EMC8: variants seen among roughly 807,000 people sequenced by gnomAD.
EMC8 encodes ER membrane protein complex subunit 8, also known as COX4 neighbor.
Under a neutral mutation model 24.3 loss-of-function variants are expected in EMC8, and 11 were observed. The ratio of observed to expected loss-of-function variants is 0.45; its 90% confidence interval spans 0.28 to 0.75. The LOEUF is 0.75. Ranked by LOEUF, EMC8 falls within the 30% of genes least tolerant of loss-of-function variation. EMC8 has a pLI of 0.12. For synonymous variants in EMC8, 145 were observed against 117.7 expected, an observed-to-expected ratio of 1.23 and a Z score of -1.50; for missense variants, 277 against 282.7, an observed-to-expected ratio of 0.98 and a Z score of 0.14.
chr16:85,780,239 C>A (rs868707675), intron 4 of EMC8, 140 bp downstream of exon 4: 2 of 672,110 alleles, frequency 3.0e-6, no homozygotes, highest in South Asian at 1.7e-5. Flanking sequence ...AACACTGGGG[C>A]CTACAGGAGC....
chr16:85,795,582 G>T (rs763388721), intron 1 of EMC8, among the ~76,000 whole-genome samples: 1 of 152,188 alleles, frequency 6.6e-6, no homozygotes, highest in Admixed American at 6.5e-5. Context: ...AGACCTCGGG[G>T]GAAGGAATGC....
intron 2 of EMC8, chr16:85,781,852 G>A (rs181659146): frequency 7.2e-5 from 11 of 152,776 alleles, no homozygotes; most frequent in Admixed American, 6.5e-4. Context: ...ACCTTGCCCT[G>A]GGAAAACCAC....
intron 2 of EMC8, among the ~76,000 whole-genome samples, chr16:85,787,374 C>T (rs1848835225): frequency 6.6e-6 from 1 of 152,226 alleles, no homozygotes; most frequent in Non-Finnish European, 1.5e-5. Context: ...TGCCACCAAG[C>T]CCCCTGCAGG....
intron 2 of EMC8, among the ~76,000 whole-genome samples, chr16:85,783,717 C>T (rs567628102): frequency 5.1e-4 from 77 of 152,116 alleles, no homozygotes; most frequent in Non-Finnish European, 1.0e-3. Flanking sequence ...CTCACATGCC[C>T]GTCTTGTTTC....
At chr16:85,792,848 G>A (rs1905077254) in intron 1 of EMC8, 1 of 152,208 alleles carries the variant, frequency 6.6e-6, no homozygotes, top group Non-Finnish European at 1.5e-5. Context: ...CCATTTCCAT[G>A]TCCCTGCTTC....
At chr16:85,783,369 T>C (rs913360896) in intron 2 of EMC8, among the ~76,000 whole-genome samples, 2 of 152,106 alleles carry the variant, frequency 1.3e-5, no homozygotes, top group Admixed American at 1.3e-4. Context: ...ACAGGTGTGA[T>C]CATGGCCACA....
intron 1 of EMC8, 142 bp from the exon 2 acceptor site, chr16:85,789,192 G>C (rs538329513): frequency 9.2e-6 from 6 of 651,822 alleles, no homozygotes; most frequent in East Asian, 5.4e-5. Context: ...CAGAAGAAAG[G>C]GTAGGACTCA....
intron 1 of EMC8, among the ~76,000 whole-genome samples, chr16:85,795,809 G>T (rs933520445): frequency 6.6e-6 from 1 of 152,150 alleles, no homozygotes; most frequent in Non-Finnish European, 1.5e-5. Flanking sequence ...AAGCTGGTGG[G>T]TCAGAGGTTC....
chr16:85,796,924 G>A (rs1905261387), intron 1 of EMC8, among the ~76,000 whole-genome samples: 1 of 152,218 alleles, frequency 6.6e-6, no homozygotes, highest in East Asian at 1.9e-4. Context: ...GCACCTTCAA[G>A]TGCTAAGCAG....
At position 85,799,393 on chromosome 16, in the gene EMC8, C is replaced by A. The variant is rs896941471; in HGVS notation, c.-98G>T. ...GCCTCAGCCGAGAAGCGGGACGAGG[C>A]GGCGGCGATTGATGGCGCGGCCGCG... On this transcript the variant is annotated 5_prime_UTR_variant, in exon 1 of 5. Coordinates refer to ENST00000253457, the MANE Select transcript of EMC8 (RefSeq NM_006067.5). The surrounding 1 kb of genome is among the most constrained non-coding windows in gnomAD (Gnocchi z 4.2). 8.3e-6 allele frequency: 6 copies of A among 721,664 alleles called. No homozygotes were observed. The South Asian group carries it at 1.4e-4, about 17-fold the overall frequency. 44.7% of individuals were successfully genotyped at this position (721,664 alleles called of 1,614,324 possible).
chr16:85,792,310 A>G (rs1362599915), intron 1 of EMC8: 2 of 152,218 alleles, frequency 1.3e-5, no homozygotes, highest in African/African-American at 4.8e-5. Flanking sequence ...CTGGAACTTT[A>G]AGTAGAACCT....
At position 85,779,627 on chromosome 16, in the gene EMC8, G is replaced by C. The variant is rs1904394417; in HGVS notation, c.*81C>G. The C allele has an allele frequency of 6.3e-6, 9 of 1,434,042 alleles. No individual in the cohort carries two copies. Among genetic ancestry groups the C allele is most frequent in the Non-Finnish European group, 8.8e-6 (9 of 1,024,788 alleles). 88.8% of individuals were successfully genotyped at this position (1,434,042 alleles called of 1,614,324 possible). ...GGTCAGCTTTCCACACAGGCTACAAGATATTTTATTTACATTTAAAAATAG... is the reference window on the plus strand; with the variant it reads ...GGTCAGCTTTCCACACAGGCTACAACATATTTTATTTACATTTAAAAATAG... On this transcript the variant is annotated 3_prime_UTR_variant, in exon 5 of 5. Transcript: ENST00000253457.
intron 1 of EMC8, among the ~76,000 whole-genome samples, chr16:85,791,629 G>T (rs1905016227): frequency 6.6e-6 from 1 of 152,170 alleles, no homozygotes; most frequent in Non-Finnish European, 1.5e-5. Flanking sequence ...TTATCTTACT[G>T]GTCAGAAGTC....
chr16:85,781,115 G>A, intron 3 of EMC8, 96 bp downstream of exon 3: 1 of 824,496 alleles, frequency 1.2e-6, no homozygotes. Context: ...ATAAATGAGT[G>A]AAGGGGTTAG....
At chr16:85,782,132 C>T (rs1207762232) in intron 2 of EMC8, among the ~76,000 whole-genome samples, 1 of 152,196 alleles carries the variant, frequency 6.6e-6, no homozygotes, top group Non-Finnish European at 1.5e-5. Flanking sequence ...TGGGCACCTG[C>T]CAGCTCCTGG....
At chr16:85,797,375 T>G (rs1426516784) in intron 1 of EMC8, among the ~76,000 whole-genome samples, 3 of 151,992 alleles carry the variant, frequency 2.0e-5, no homozygotes, top group Non-Finnish European at 2.9e-5. Flanking sequence ...GCCATTGCAC[T>G]CCAGGCTGGG....
intron 2 of EMC8, among the ~76,000 whole-genome samples, chr16:85,786,832 A>C (rs539057279): frequency 6.6e-6 from 1 of 152,180 alleles, no homozygotes; most frequent in African/African-American, 2.4e-5. Flanking sequence ...AGGTAAGAAC[A>C]TGAGAGCTGT....
intron 2 of EMC8, among the ~76,000 whole-genome samples, chr16:85,786,333 G>C (rs929512210): frequency 6.6e-6 from 1 of 152,234 alleles, no homozygotes; most frequent in Non-Finnish European, 1.5e-5. Context: ...TCTGGCTGAA[G>C]AGAGGGGAAG....
chr16:85,779,766 T>C lies in EMC8; in HGVS notation c.575A>G (p.Asp192Gly), dbSNP rs1289831645. The C allele has an allele frequency of 1.2e-6, 2 of 1,614,254 alleles. No homozygotes were observed. The highest frequency in any genetic ancestry group is 1.7e-6 in the Non-Finnish European group (2 of 1,180,036). ...TGGGTTTGTCCAGTCATTCCGAATGTCATCCAGGTGGTTATCGAAATCCAC... is the reference window on the plus strand; with the variant it reads ...TGGGTTTGTCCAGTCATTCCGAATGCCATCCAGGTGGTTATCGAAATCCAC... ...TLVDFDNHLD[D>G]IRNDWTNPEI... The change falls in exon 5 of 5, where the codon GAC (aspartate) becomes GGC (glycine). Residue 192 changes from aspartate to glycine, a missense_variant. By Grantham distance (94) the Asp-to-Gly change is moderately conservative. Coordinates refer to ENST00000253457, the MANE Select transcript of EMC8 (RefSeq NM_006067.5).
Sources: allele counts gnomAD v4.1 joint callset (sites outside exome capture counted in the v4.1 genomes callset), GRCh38; gene constraint gnomAD v4.1.1; non-coding constraint Gnocchi (gnomAD v3.1); transcripts MANE v1.5; gene names NCBI Gene and HGNC (gene_info 2026-07-23, HGNC 2026-07-21).